Variants in GPRIN3 observed in about 807,000 individuals in gnomAD.
GPRIN3 encodes GPRIN family member 3, also known as G protein-regulated inducer of neurite outgrowth 3.
GPRIN3 carries 12 observed loss-of-function variants against 13.7 expected under a neutral mutation model. That is an observed-to-expected ratio of 0.87 (90% CI 0.56 to 1.42). The LOEUF is 1.42. Ranked by LOEUF, GPRIN3 falls within the 40% of genes most tolerant of loss-of-function variation. GPRIN3 has a pLI of 0.00. For missense variants in GPRIN3, 1,009 were observed against 958.7 expected, an observed-to-expected ratio of 1.05 and a Z score of -0.69; for synonymous variants, 377 against 372.7, an observed-to-expected ratio of 1.01 and a Z score of -0.13.
Position 89,248,209 on chromosome 4 carries a change from C to G in GPRIN3, c.1902G>C (p.Arg634Ser). The G allele has an allele frequency of 6.2e-7, 1 of 1,614,156 alleles. No homozygotes were observed. The highest frequency in any genetic ancestry group is 8.5e-7 in the Non-Finnish European group (1 of 1,180,018). The change falls in exon 2 of 2, where the codon AGG becomes AGC. Residue 634 changes from arginine (R) to serine (S), a missense_variant. Transcript: ENST00000609438. The stretch of plus-strand genomic sequence containing the variant: ...TGAGGAACTCGCTGACGCGGCTGGG[C>G]CTGCGTGGGCTGGCTTTGACGGAGC... ...PSRSVKASPRRPSRVSEFLKE... is the reference protein window; with the variant it reads ...PSRSVKASPRSPSRVSEFLKE...
intron 1 of GPRIN3, among the ~76,000 whole-genome samples, chr4:89,306,947 T>A (rs1273699693): frequency 6.6e-6 from 1 of 151,984 alleles, no homozygotes. Flanking sequence ...AGCATGAAGA[T>A]CTTCTGTGTG....
rs957788676 is a variant in GPRIN3, at chr4:89,243,391, T to A, written c.*4389A>T. ...AAGGATGGACAGGAGATTCAGCATA[T>A]CCTCTGTTATTTGCCAGGTGGCAGC... On this transcript the variant is annotated 3_prime_UTR_variant, in exon 2 of 2. Transcript: ENST00000609438. 1 of 152,192 alleles carries A rather than the reference T, an allele frequency of 6.6e-6. No homozygotes were observed. Among genetic ancestry groups the A allele is most frequent in the African/African-American group, 2.4e-5 (1 of 41,448 alleles). 9.4% of individuals were successfully genotyped at this position (152,192 alleles called of 1,614,324 possible). A position where few individuals can be genotyped will look rare whatever the true frequency, so the allele number is the denominator to read the frequency against.
intron 1 of GPRIN3, among the ~76,000 whole-genome samples, chr4:89,269,961 TACTC>T (rs1723882973): frequency 6.6e-6 from 1 of 152,232 alleles, no homozygotes; most frequent in Admixed American, 6.5e-5. Context: ...TGGATTAATT[TACTC>T]AATCAATAAT....
chr4:89,306,512 A>G (rs1725037296), intron 1 of GPRIN3, among the ~76,000 whole-genome samples: 1 of 152,190 alleles, frequency 6.6e-6, no homozygotes, highest in Non-Finnish European at 1.5e-5. Context: ...CCTTGCAAAA[A>G]CAAAATAAAA....
intron 1 of GPRIN3, among the ~76,000 whole-genome samples, chr4:89,261,446 TA>T (rs1171007645): frequency 6.6e-6 from 1 of 152,216 alleles, no homozygotes; most frequent in African/African-American, 2.4e-5. Context: ...TGAGTTGATG[TA>T]AGATAACTTA....
chr4:89,263,476 T>C (rs1448129961), intron 1 of GPRIN3, among the ~76,000 whole-genome samples: 1 of 152,188 alleles, frequency 6.6e-6, no homozygotes, highest in Non-Finnish European at 1.5e-5. Context: ...GCCCCTCCTC[T>C]TCCTGTGTGA....
At chr4:89,263,346 T>G (rs1723691061) in intron 1 of GPRIN3, among the ~76,000 whole-genome samples, 1 of 152,168 alleles carries the variant, frequency 6.6e-6, no homozygotes, top group African/African-American at 2.4e-5. Context: ...GTTCTCTTAT[T>G]GAGATAGCCA....
At chr4:89,256,653 T>C (rs796553916) in intron 1 of GPRIN3, among the ~76,000 whole-genome samples, 10 of 152,304 alleles carry the variant, frequency 6.6e-5, no homozygotes, top group African/African-American at 2.2e-4. Flanking sequence ...ACTGCACTGC[T>C]AGAACAAGGG....
At chr4:89,270,599 AT>A (rs1352408866) in intron 1 of GPRIN3, among the ~76,000 whole-genome samples, 12 of 127,044 alleles carry the variant, frequency 9.4e-5, no homozygotes, top group Admixed American at 3.9e-4. Flanking sequence ...ATATATATAT[AT>A]AAAATATAGA....
rs551442027 is a variant in GPRIN3 at position 89,289,228 on chromosome 4, A to G, written c.-124+18387T>C. ...TTCCTCATGTGCCTGGTCGTCTTCT[A>G]TTACATAATAAGTGCGGGCCAGATA... is the stretch of plus-strand genomic sequence containing the variant. On this transcript the variant is annotated intron_variant, in intron 1 of 1. Transcript: ENST00000609438. Among the ~76,000 whole-genome samples the G allele has an allele frequency of 2.6e-5, 4 of 151,384 alleles. No individual in the cohort carries two copies. The East Asian group carries it at 7.7e-4, about 29-fold the overall frequency.
chr4:89,263,391 C>G (rs951181006), intron 1 of GPRIN3, among the ~76,000 whole-genome samples: 1 of 152,168 alleles, frequency 6.6e-6, no homozygotes, highest in African/African-American at 2.4e-5. Context: ...CTCCATCCAG[C>G]CTGTGCACTG....
chr4:89,237,917 G>A lies in GPRIN3; in HGVS notation c.*9863C>T, dbSNP rs1423377172. 6.6e-6 allele frequency: 1 copy of A among 152,174 alleles called. No homozygotes were observed. Among genetic ancestry groups the A allele is most frequent in the Non-Finnish European group, 1.5e-5 (1 of 68,036 alleles). 9.4% of individuals were successfully genotyped at this position (152,174 alleles called of 1,614,324 possible). A position where few individuals can be genotyped will look rare whatever the true frequency, so the allele number is the denominator to read the frequency against. On this transcript the variant is annotated 3_prime_UTR_variant, in exon 2 of 2. Transcript: ENST00000609438. ...CCTAATGAAACAAACACCCACTGGT[G>A]GGACATAAACAGCTATAGGCATAAG...
chr4:89,287,789 G>A (rs900415829), intron 1 of GPRIN3, among the ~76,000 whole-genome samples: 3 of 152,212 alleles, frequency 2.0e-5, no homozygotes, highest in South Asian at 2.1e-4. Context: ...TGAAAGAGAA[G>A]AGAGAAATGT....
chr4:89,271,435 C>T (rs1723947563), intron 1 of GPRIN3, among the ~76,000 whole-genome samples: 1 of 152,074 alleles, frequency 6.6e-6, no homozygotes, highest in Admixed American at 6.6e-5. Flanking sequence ...GATGCTCAAG[C>T]CCCTTAAACA....
chr4:89,268,233 C>T (rs1211584279), intron 1 of GPRIN3, among the ~76,000 whole-genome samples: 1 of 152,074 alleles, frequency 6.6e-6, no homozygotes, highest in Non-Finnish European at 1.5e-5. Flanking sequence ...GAGGCTGTTT[C>T]CATACAAGAG....
intron 1 of GPRIN3, among the ~76,000 whole-genome samples, chr4:89,283,553 G>T (rs1055881421): frequency 1.1e-4 from 16 of 152,292 alleles, no homozygotes; most frequent in African/African-American, 3.4e-4. Flanking sequence ...ATATCTAGTG[G>T]GGGAGGCAGA....
chr4:89,302,279 T>C (rs1221108455), intron 1 of GPRIN3, among the ~76,000 whole-genome samples: 1 of 152,194 alleles, frequency 6.6e-6, no homozygotes, highest in Non-Finnish European at 1.5e-5. Flanking sequence ...AGCCAAGAAT[T>C]ACTGGGGAAT....
intron 1 of GPRIN3, among the ~76,000 whole-genome samples, chr4:89,291,790 A>G (rs925905806): frequency 6.8e-6 from 1 of 147,970 alleles, no homozygotes; most frequent in Non-Finnish European, 1.5e-5. Context: ...GTAGCGTTCC[A>G]GTTGCTTCAT....
intron 1 of GPRIN3, among the ~76,000 whole-genome samples, chr4:89,276,817 C>T (rs1724107018): frequency 1.3e-5 from 2 of 152,096 alleles, no homozygotes; most frequent in South Asian, 2.1e-4. Context: ...GGTGGTGCTT[C>T]ACCTACTGAG....
Sources: gnomAD v4.1 joint callset for allele counts (sites outside exome capture counted in the v4.1 genomes callset) on GRCh38, gnomAD v4.1.1 for gene constraint, MANE v1.5 for transcripts, NCBI Gene and HGNC (gene_info 2026-07-23, HGNC 2026-07-21) for gene names.